Variants in ATP8B2 observed in about 807,000 individuals in gnomAD.
ATP8B2 encodes the protein ATPase phospholipid transporting 8B2, also known as phospholipid-transporting ATPase ID.
In ATP8B2, 70 loss-of-function variants were observed where a neutral mutation model predicts 133.4. The ratio of observed to expected loss-of-function variants is 0.52; its 90% CI spans 0.43 to 0.64. ATP8B2 has a LOEUF of 0.64. Ranked by LOEUF, ATP8B2 falls within the 30% of genes least tolerant of loss-of-function variation. The pLI is 0.00. For missense variants in ATP8B2, 1,101 were observed against 1,535.7 expected (o/e 0.72, Z 4.73); for synonymous variants, 517 against 589.5 (o/e 0.88, Z 1.78).
intron 27 of ATP8B2, 45 bp downstream of exon 27, chr1:154,348,583 C>A: frequency 1.2e-6 from 2 of 1,604,086 alleles, no homozygotes; most frequent in African/African-American, 2.7e-5. Flanking sequence ...GATGGGGTGG[C>A]TGGAAAGGCC....
chr1:154,342,318 C>T (rs966965878), intron 13 of ATP8B2, among the ~76,000 whole-genome samples, 162 bp from the exon 14 acceptor site: 12 of 151,690 alleles, frequency 7.9e-5, no homozygotes, highest in Non-Finnish European at 1.3e-4. Flanking sequence ...TCCTATCCCG[C>T]GAGTCAGCAA....
In ATP8B2 at chr1:154,344,607, G is replaced by T. The variant is rs749067394; in HGVS notation, c.2142-34G>T. ...ATCCCTGCTCCCCACTGCCGTTCTG[G>T]AAGACCACAACCGTATCATTTCCAC... is the stretch of plus-strand genomic sequence containing the variant. On this transcript the variant is annotated intron_variant, in intron 20 of 27. Transcript: ENST00000368489. This position sits in a 1 kb window ranked among gnomAD's most constrained non-coding sequence, Gnocchi z 4.1. The T allele has an allele frequency of 6.2e-7, 1 of 1,607,562 alleles. No individual in the cohort carries two copies. Among genetic ancestry groups the T allele is most frequent in the South Asian group, 1.1e-5 (1 of 90,990 alleles).
Position 154,331,976 on chromosome 1 carries a change from G to A in ATP8B2, c.461G>A (p.Ser154Asn). ...TAGGCGGATCTCCTCCTCCTTTCCA[G>A]CAGTGAGCCCCATGGGCTGTGTTAC... ...FVAADLLLLS[S>N]SEPHGLCYIE... Residue 154 changes from serine to asparagine, a missense_variant, in exon 8 of 28, where the codon AGC becomes AAC. Ser to Asn is a conservative substitution (Grantham distance 46). Transcript: ENST00000368489. The surrounding 1 kb of genome is among the most constrained non-coding windows in gnomAD (Gnocchi z 4.8). 1 of 1,614,148 alleles carries A rather than the reference G, an allele frequency of 6.2e-7. No individual in the cohort carries two copies. Among genetic ancestry groups the A allele is most frequent in the Non-Finnish European group, 8.5e-7 (1 of 1,179,972 alleles).
rs1685851571 is a variant in ATP8B2, at chr1:154,328,075, C to T, written c.-37-30C>T. 1 of 1,608,730 alleles carries T rather than the reference C, an allele frequency of 6.2e-7. No homozygotes were observed. Among genetic ancestry groups the T allele is most frequent in the Non-Finnish European group, 8.5e-7 (1 of 1,175,096 alleles). On this transcript the variant is annotated intron_variant, in intron 1 of 27. Transcript: ENST00000368489. This position sits in a 1 kb window ranked among gnomAD's most constrained non-coding sequence, Gnocchi z 4.6. ...GGAGGGAAGGGTTATCCTCAGCTTCCTGACCTCATTCGTCTGTCACTTCTT... is the reference window on the plus strand; with the variant it reads ...GGAGGGAAGGGTTATCCTCAGCTTCTTGACCTCATTCGTCTGTCACTTCTT...
intron 12 of ATP8B2, among the ~76,000 whole-genome samples, chr1:154,339,550 G>A (rs1351963853): frequency 6.6e-6 from 1 of 152,130 alleles, no homozygotes; most frequent in East Asian, 1.9e-4. Flanking sequence ...CCACCTATGG[G>A]CTTTGCTATC....
intron 26 of ATP8B2, among the ~76,000 whole-genome samples, chr1:154,347,491 T>C (rs748921897): frequency 1.3e-5 from 2 of 152,160 alleles, no homozygotes; most frequent in Non-Finnish European, 1.5e-5. Context: ...AGCTTACTTA[T>C]GTTTTTAAAG....
rs1179648597 is a variant in ATP8B2 at position 154,344,064 on chromosome 1, G to A, written c.1923+7G>A. 1 of 1,613,970 alleles carries A rather than the reference G, an allele frequency of 6.2e-7. No individual in the cohort carries two copies. Among genetic ancestry groups the A allele is most frequent in the Non-Finnish European group, 8.5e-7 (1 of 1,179,830 alleles). ...GGTTGAGAACAACATGATGGTACGG[G>A]CTGCGGGACGGGCCAAGGATGGGCA... On this transcript the variant is annotated splice_region_variant and intron_variant, in intron 18 of 27. Coordinates refer to ENST00000368489, the MANE Select transcript of ATP8B2 (RefSeq NM_001370597.1). This position sits in a 1 kb window ranked among gnomAD's most constrained non-coding sequence, Gnocchi z 4.1.
chr1:154,347,938 C>CAA (rs35998355), intron 26 of ATP8B2, among the ~76,000 whole-genome samples: 2 of 101,370 alleles, frequency 2.0e-5, no homozygotes, highest in Non-Finnish European at 3.9e-5. Flanking sequence ...AACTCTGTCT[C>CAA]AAAAAAAAAA....
chr1:154,338,083 C>T (rs1331873866), intron 12 of ATP8B2, among the ~76,000 whole-genome samples: 3 of 152,186 alleles, frequency 2.0e-5, no homozygotes, highest in East Asian at 1.9e-4. Context: ...ACAGGGTGCC[C>T]GGGGACTGGG....
intron 12 of ATP8B2, among the ~76,000 whole-genome samples, chr1:154,339,462 C>T (rs1402392984): frequency 2.0e-5 from 3 of 152,202 alleles, no homozygotes; most frequent in Non-Finnish European, 4.4e-5. Context: ...GGGTGGTAGC[C>T]TGCTCATTGT....
At chr1:154,333,695 T>G (rs977213987) in intron 9 of ATP8B2, among the ~76,000 whole-genome samples, 5 of 148,356 alleles carry the variant, frequency 3.4e-5, no homozygotes, top group Non-Finnish European at 7.4e-5. Context: ...AGTGTAGTGG[T>G]GCGATCTCGG....
chr1:154,338,711 A>G (rs1422323531), intron 12 of ATP8B2: 3 of 152,254 alleles, frequency 2.0e-5, no homozygotes. Flanking sequence ...GAAAGTCAAA[A>G]GAATGTATTC....
chr1:154,344,841 A>G lies in ATP8B2; in HGVS notation c.2286+56A>G. On this transcript the variant is annotated intron_variant, in intron 21 of 27. Transcript: ENST00000368489. This position sits in a 1 kb window ranked among gnomAD's most constrained non-coding sequence, Gnocchi z 4.1. ...ATCTTTCCAGTGAGCACTTCTGTCC[A>G]GGGCTTTTATATCTTGTTCTAATTT... 1 of 1,560,634 alleles carries G rather than the reference A, an allele frequency of 6.4e-7. No individual in the cohort carries two copies. The highest frequency in any genetic ancestry group is 8.7e-7 in the Non-Finnish European group (1 of 1,151,282).
Position 154,346,377 on chromosome 1 carries a change from G to A in ATP8B2, c.2925G>A (p.Val975=), listed in dbSNP as rs1174265098. Residue 975 remains valine, a synonymous_variant, in exon 25 of 28, where the codon GTG becomes GTA. Coordinates refer to ENST00000368489, the MANE Select transcript of ATP8B2 (RefSeq NM_001370597.1). This position sits in a 1 kb window ranked among gnomAD's most constrained non-coding sequence, Gnocchi z 4.5. ...TCATGTTCTTCATTCCCTATGGGGT[G>A]TTTGCTGATGCCACCCGGGATGATG... ...SVLMFFIPYG[V]FADATRDDGT... 6.2e-7 allele frequency: 1 copy of A among 1,614,222 alleles called. No individual in the cohort carries two copies. The highest frequency in any genetic ancestry group is 1.7e-5 in the Admixed American group (1 of 60,024).
rs200422129 is a variant in ATP8B2, at chr1:154,344,223, C to T, written c.2004C>T (p.Ile668=). 2 of 1,614,194 alleles carry T rather than the reference C, an allele frequency of 1.2e-6. No individual in the cohort carries two copies. The highest frequency in any genetic ancestry group is 8.5e-7 in the Non-Finnish European group (1 of 1,180,036). ...TTGCCCTCCTGACACTGGCCAACAT[C>T]AAGATTTGGGTGCTAACCGGAGACA... is the stretch of plus-strand genomic sequence containing the variant. The part of the protein sequence containing the change: ...ETIALLTLAN[I]KIWVLTGDKQ... The change falls in exon 19 of 28, where the codon ATC becomes ATT. Residue 668 remains isoleucine (I), a synonymous_variant. Coordinates refer to ENST00000368489, the MANE Select transcript of ATP8B2 (RefSeq NM_001370597.1). The surrounding 1 kb of genome is among the most constrained non-coding windows in gnomAD (Gnocchi z 4.1).
chr1:154,348,064 A>T (rs1174765146), intron 26 of ATP8B2, among the ~76,000 whole-genome samples: 1 of 152,116 alleles, frequency 6.6e-6, no homozygotes, highest in Non-Finnish European at 1.5e-5. Context: ...ATGAATCAAG[A>T]TCCATTGCAG....
intron 8 of ATP8B2, 117 bp from the exon 9 acceptor site, chr1:154,332,501 T>C: frequency 2.6e-6 from 2 of 770,270 alleles, no homozygotes; most frequent in East Asian, 2.7e-5. Context: ...GAGGCTTTAG[T>C]GAGCTATGAT....
In ATP8B2 at chr1:154,344,384, T is replaced by C. The variant is rs776601101; in HGVS notation, c.2036-11T>C. On this transcript the variant is annotated splice_polypyrimidine_tract_variant and intron_variant, in intron 19 of 27. Coordinates refer to ENST00000368489, the MANE Select transcript of ATP8B2 (RefSeq NM_001370597.1). The surrounding 1 kb of genome is among the most constrained non-coding windows in gnomAD (Gnocchi z 4.1). ...GTGCCTGTCCGTAGCTCCTGCGTTC[T>C]CTCTTGGTAGAGACGGCTGTGAACA... 1.2e-6 allele frequency: 2 copies of C among 1,614,134 alleles called. No homozygotes were observed. The highest frequency in any genetic ancestry group is 4.5e-5 in the East Asian group (2 of 44,878).
intron 27 of ATP8B2, 138 bp downstream of exon 27, chr1:154,348,676 C>G (rs1013453985): frequency 1.4e-6 from 2 of 1,408,790 alleles, no homozygotes; most frequent in African/African-American, 2.8e-5. Context: ...GGGACAGACA[C>G]CCTGTGCAGC....
Sources: allele counts gnomAD v4.1 joint callset (sites outside exome capture counted in the v4.1 genomes callset), GRCh38; gene constraint gnomAD v4.1.1; non-coding constraint Gnocchi (gnomAD v3.1); transcripts MANE v1.5; gene names NCBI Gene and HGNC (gene_info 2026-07-23, HGNC 2026-07-21).